SCN3A: variants seen among roughly 807,000 people sequenced by gnomAD.
SCN3A encodes sodium channel protein type 3 subunit alpha.
A neutral mutation model predicts 187.6 loss-of-function variants in SCN3A; 60 were observed. That is an observed-to-expected ratio of 0.32 (90% CI 0.26 to 0.40). SCN3A has a LOEUF of 0.40. SCN3A is among the 10% of genes least tolerant of loss of function. SCN3A has a pLI of 1.00. For synonymous variants in SCN3A, 788 were observed against 829.2 expected, an observed-to-expected ratio of 0.95 and a Z score of 0.85; for missense variants, 1,601 against 2,428.2, an observed-to-expected ratio of 0.66 and a Z score of 7.16.
intron 18 of SCN3A, among the ~76,000 whole-genome samples, chr2:165,120,266 T>A (rs1017949902): frequency 6.6e-6 from 1 of 151,620 alleles, no homozygotes; most frequent in South Asian, 2.1e-4. Flanking sequence ...CAAATACCAC[T>A]CACAGGAATG....
At chr2:165,147,524 C>T (rs1688430590) in intron 11 of SCN3A, among the ~76,000 whole-genome samples, 1 of 151,952 alleles carries the variant, frequency 6.6e-6, no homozygotes, top group African/African-American at 2.4e-5. Context: ...ACTATTTTAC[C>T]TCCAGATGGA....
At chr2:165,100,236 T>C (rs1199518578) in intron 22 of SCN3A, 66 bp downstream of exon 22, 2 of 1,549,366 alleles carry the variant, frequency 1.3e-6, no homozygotes, top group Non-Finnish European at 1.8e-6. Flanking sequence ...ATGGCACCCT[T>C]TTCTATCTAA....
intron 22 of SCN3A, among the ~76,000 whole-genome samples, chr2:165,099,591 C>T (rs1426477645): frequency 1.3e-5 from 2 of 152,080 alleles, no homozygotes; most frequent in Admixed American, 6.6e-5. Context: ...GTGGCGGGCA[C>T]CTGTAGTCCC....
intron 26 of SCN3A, chr2:165,093,973 T>C: frequency 4.9e-6 from 1 of 205,282 alleles, no homozygotes; most frequent in Non-Finnish European, 9.9e-6. Flanking sequence ...GATGACACCT[T>C]TTCCCTTTCT....
chr2:165,126,481 CCTT>C lies in SCN3A; in HGVS notation c.3393+1147_3393+1149del, dbSNP rs1425389277. Among the ~76,000 whole-genome samples the C allele has an allele frequency of 8.9e-5, 13 of 145,292 alleles. No homozygotes were observed. In the East Asian group the frequency reaches 2.6e-3, roughly 29 times the overall value. On this transcript the variant is annotated intron_variant, in intron 18 of 27. Coordinates refer to ENST00000283254, the MANE Select transcript of SCN3A (RefSeq NM_006922.4). ...TTTTCTTTCTCTTTCTTTATTTCTT[CCTT>C]CTTTTCTTTCTTTCTTTCCTTCTTT... is the stretch of plus-strand genomic sequence containing the variant.
chr2:165,140,720 G>T lies in SCN3A; in HGVS notation c.1950C>A (p.Cys650Ter), dbSNP rs747093972. ...CACCCACCAAGGAAACCACACCATT[G>T]CAATCCACAGTGCTGTGCATCTTCC... ...ANGKMHSTVDCNGVVSLVGGP... is the reference protein window; with the variant it reads ...ANGKMHSTVD Residue 650 changes from cysteine (C) to a stop codon, truncating the protein, a stop_gained, in exon 13 of 28, where the codon TGC becomes TGA. Transcript: ENST00000283254. LOFTEE classifies it high-confidence loss of function. This position sits in a 1 kb window ranked among gnomAD's most constrained non-coding sequence, Gnocchi z 4.2. 2.5e-6 allele frequency: 4 copies of T among 1,613,924 alleles called. No individual in the cohort carries two copies. The South Asian group carries it at 3.3e-5, about 13-fold the overall frequency.
At chr2:165,176,518 A>G in intron 2 of SCN3A, 74 bp from the exon 3 acceptor site, 1 of 1,144,164 alleles carries the variant, frequency 8.7e-7, no homozygotes, top group Admixed American at 1.9e-5. Flanking sequence ...CCAAAATGTC[A>G]TTTTTTAGTA....
At chr2:165,160,832 G>T (rs1449503152) in intron 9 of SCN3A, among the ~76,000 whole-genome samples, 1 of 152,074 alleles carries the variant, frequency 6.6e-6, no homozygotes, top group Non-Finnish European at 1.5e-5. Context: ...GTAGAGACAA[G>T]GTTTCGCCAT....
intron 6 of SCN3A, chr2:165,163,980 T>C: frequency 8.1e-7 from 1 of 1,237,216 alleles, no homozygotes; most frequent in Non-Finnish European, 1.2e-6. Flanking sequence ...CATAGAGCCC[T>C]GTGAGTTTAA....
intron 5 of SCN3A, among the ~76,000 whole-genome samples, chr2:165,166,513 T>G (rs1452358902): frequency 6.6e-6 from 1 of 152,120 alleles, no homozygotes; most frequent in South Asian, 2.1e-4. Flanking sequence ...TAAAATGCAG[T>G]ATAAATAAAA....
In SCN3A at chr2:165,092,428, C is replaced by T. The variant is rs766025905; in HGVS notation, c.4633G>A (p.Val1545Met). The T allele has an allele frequency of 6.2e-7, 1 of 1,613,976 alleles. No homozygotes were observed. The highest frequency in any genetic ancestry group is 1.1e-5 in the South Asian group (1 of 91,078). The change falls in exon 27 of 28, where the codon GTG becomes ATG. Residue 1545 changes from valine (V) to methionine (M), a missense_variant. Physicochemically the swap from Val to Met is conservative, Grantham distance 21 (BLOSUM62 1). Around this residue, in one of 11 missense-constraint regions of SCN3A, gnomAD observed 320 missense variants for 623.2 expected, o/e 0.51. Transcript: ENST00000283254. This position sits in a 1 kb window ranked among gnomAD's most constrained non-coding sequence, Gnocchi z 4.2. ...TATTTGCCCTGGTCATCCGTTTCCACCATCATGGTGACCATGTTGAGGCAG... is the reference window on the plus strand; with the variant it reads ...TATTTGCCCTGGTCATCCGTTTCCATCATCATGGTGACCATGTTGAGGCAG... ...LICLNMVTMM[V>M]ETDDQGKYMT...
At chr2:165,101,446 AC>A in intron 21 of SCN3A, among the ~76,000 whole-genome samples, 1 of 152,042 alleles carries the variant, frequency 6.6e-6, no homozygotes, top group East Asian at 1.9e-4. Flanking sequence ...CGCCACCCCC[AC>A]CCACAACAAC....
At position 165,131,430 on chromosome 2, in the gene SCN3A, G is replaced by T. The variant is rs748823274; in HGVS notation, c.2392-13C>A. 1.9e-6 allele frequency: 3 copies of T among 1,592,232 alleles called. No individual in the cohort carries two copies. The highest frequency in any genetic ancestry group is 2.6e-6 in the Non-Finnish European group (3 of 1,166,246). On this transcript the variant is annotated splice_polypyrimidine_tract_variant and intron_variant, in intron 15 of 27. Transcript: ENST00000283254. ...TCCCAGTAAAGACCTAAAAAATAGAGATCAGCACTACTTCAAGAGCACTGA... is the reference window on the plus strand; with the variant it reads ...TCCCAGTAAAGACCTAAAAAATAGATATCAGCACTACTTCAAGAGCACTGA...
chr2:165,168,906 C>G (rs1022416192), intron 4 of SCN3A, 81 bp from the exon 5 acceptor site: 5 of 928,956 alleles, frequency 5.4e-6, no homozygotes, highest in Middle Eastern at 2.2e-4. Context: ...AAAAGTTTAT[C>G]GATGCAAAAA....
Position 165,094,380 on chromosome 2 carries a change from G to A in SCN3A, c.4530C>T (p.Arg1510=), listed in dbSNP as rs1157421772. Residue 1510 remains arginine, a synonymous_variant, in exon 26 of 28, where the codon CGC becomes CGT. Coordinates refer to ENST00000283254, the MANE Select transcript of SCN3A (RefSeq NM_006922.4). The part of the protein sequence containing the change: ...GSKKPQKPIP[R]PANKFQGMVF... The stretch of plus-strand genomic sequence containing the variant: ...GGAGACAAGTAATTCTTACTGCTGG[G>A]CGAGGTATGGGTTTCTGAGGTTTCT... 8.1e-6 allele frequency: 13 copies of A among 1,610,466 alleles called. No homozygotes were observed. The highest frequency in any genetic ancestry group is 4.5e-5 in the East Asian group (2 of 44,834).
chr2:165,170,955 C>T (rs1690065727), intron 3 of SCN3A, among the ~76,000 whole-genome samples: 1 of 151,914 alleles, frequency 6.6e-6, no homozygotes, highest in Non-Finnish European at 1.5e-5. Flanking sequence ...CTTTTAACTT[C>T]AAAGTTTATG....
In SCN3A at chr2:165,112,862, T is replaced by TA. The variant is rs751539850; in HGVS notation, c.3843+22dup. On this transcript the variant is annotated intron_variant, in intron 21 of 27. Coordinates refer to ENST00000283254, the MANE Select transcript of SCN3A (RefSeq NM_006922.4). ...CTTGCCTCTTTTAAAAACAATTTTA[T>TA]AAAAATCACTTAAAATACTTACATC... is the stretch of plus-strand genomic sequence containing the variant. The TA allele has an allele frequency of 1.0e-5, 16 of 1,604,588 alleles. No homozygotes were observed. In the South Asian group the frequency reaches 1.7e-4, roughly 17 times the overall value.
At chr2:165,116,854 T>C (rs1050937602) in intron 18 of SCN3A, among the ~76,000 whole-genome samples, 8 of 152,012 alleles carry the variant, frequency 5.3e-5, no homozygotes, top group Non-Finnish European at 1.0e-4. Context: ...TACAGTTTTT[T>C]AGTAGAGTAC....
chr2:165,203,987 G>A lies in SCN3A; in HGVS notation c.-412C>T, dbSNP rs1000712053. The A allele has an allele frequency of 9.1e-6, 1 of 110,058 alleles. No individual in the cohort carries two copies. Among genetic ancestry groups the A allele is most frequent in the African/African-American group, 3.7e-5 (1 of 27,378 alleles). 6.8% of individuals were successfully genotyped at this position (110,058 alleles called of 1,614,324 possible). On this transcript the variant is annotated 5_prime_UTR_variant, in exon 1 of 28. Transcript: ENST00000283254. The stretch of plus-strand genomic sequence containing the variant: ...TACAATTTTTTTTCTTTCTTTCTCT[G>A]TGGATAAGAAAACAAAGAGACCTTT...
Sources: gnomAD v4.1 joint callset for allele counts (sites outside exome capture counted in the v4.1 genomes callset) on GRCh38, gnomAD v4.1.1 for gene constraint, gnomAD v4.1.1 regional missense constraint, Gnocchi (gnomAD v3.1) non-coding constraint, MANE v1.5 for transcripts, NCBI Gene and HGNC (gene_info 2026-07-23, HGNC 2026-07-21) for gene names.